SWI5: variants seen among roughly 807,000 people sequenced by gnomAD.
The protein encoded by SWI5 is SWI5 homologous recombination repair protein, also known as DNA repair protein SWI5 homolog.
A neutral mutation model predicts 17.0 loss-of-function variants in SWI5; 12 were observed. That is an observed-to-expected ratio of 0.71 (90% CI 0.45 to 1.14). SWI5 has a LOEUF of 1.14. SWI5 is among the 50% of genes most tolerant of loss of function. SWI5 has a pLI of 0.00. For synonymous variants in SWI5, 61 were observed against 64.0 expected (o/e 0.95, Z 0.22); for missense variants, 158 against 162.2 (o/e 0.97, Z 0.14).
upstream of SWI5, chr9:128,275,769 G>A (rs953862737): frequency 3.5e-5 from 21 of 606,176 alleles, no homozygotes; most frequent in Non-Finnish European, 5.9e-5. Flanking sequence ...GGTGGAGGGA[G>A]CCCGGACGCG....
intron 2 of SWI5, among the ~76,000 whole-genome samples, chr9:128,280,951 C>T (rs960498396): frequency 2.7e-5 from 4 of 149,864 alleles, no homozygotes; most frequent in African/African-American, 2.5e-5. Flanking sequence ...TGGGTATCCA[C>T]GGAGATTGCT....
chr9:128,288,282 A>G (rs1226772213), intron 4 of SWI5, among the ~76,000 whole-genome samples: 1 of 152,216 alleles, frequency 6.6e-6, no homozygotes, highest in African/African-American at 2.4e-5. Flanking sequence ...CAGGCACAGC[A>G]TACAATCAGC....
exon 1 of SWI5, chr9:128,276,295 A>G (rs748029621): frequency 6.2e-7 from 1 of 1,612,768 alleles, no homozygotes; most frequent in Non-Finnish European, 8.5e-7. Flanking sequence ...TCCGGGTCAG[A>G]GTTCCTGGCC....
chr9:128,287,777 G>A (rs755783493), intron 4 of SWI5, among the ~76,000 whole-genome samples: 9 of 151,916 alleles, frequency 5.9e-5, no homozygotes, highest in Non-Finnish European at 1.2e-4. Context: ...GGCCAGGCTG[G>A]TCTTGAACTC....
chr9:128,287,166 C>CG (rs1295081847), intron 4 of SWI5, among the ~76,000 whole-genome samples: 1 of 143,838 alleles, frequency 7.0e-6, no homozygotes. Context: ...AAAAAAAGGC[C>CG]GGGCTCGCTG....
rs369982562 is a variant in SWI5, at chr9:128,282,184, T to G, written c.112-2326T>G. ...TGGGCGGATCACGATGTCAGGAGCT[T>G]GAGACCAGCCTGACCAACATGGTGA... On this transcript the variant is annotated intron_variant, in intron 2 of 4. Transcript: ENST00000418976. Among the ~76,000 whole-genome samples, 96 of 152,234 alleles carry G rather than the reference T, an allele frequency of 6.3e-4. 2 individuals carry two copies. In the South Asian group the frequency reaches 0.019, roughly 31 times the overall value.
In SWI5 at chr9:128,276,602, G is replaced by T. The variant is rs148687834; in HGVS notation, c.63-105G>T. ...CCCTTTCCAGATGGATCCAGTCCCT[G>T]GCGCTCCTACTTCCCAACTGCTCCT... On this transcript the variant is annotated intron_variant, in intron 1 of 4. Coordinates refer to ENST00000418976, the Ensembl canonical transcript of SWI5. 5,446 of 1,609,328 alleles carry T rather than the reference G, an allele frequency of 3.4e-3. 17 individuals carry two copies. Among genetic ancestry groups the T allele is most frequent in the Non-Finnish European group, 4.4e-3 (5,152 of 1,177,066 alleles).
chr9:128,275,813 T>G, upstream of SWI5: 3 of 736,780 alleles, frequency 4.1e-6, no homozygotes, highest in Admixed American at 3.1e-5. Context: ...GCCTCAGGAG[T>G]GGCAGAGACT....
rs2131422681 is a variant in SWI5, at chr9:128,284,646, G to A, written c.233+15G>A. On this transcript the variant is annotated intron_variant, in intron 3 of 4. Transcript: ENST00000418976. ...TTCGTATCTGAGTAAGTTTCATTGG[G>A]TTCCCCATCATGGTTAAGATAACTT... 6.2e-7 allele frequency: 1 copy of A among 1,611,898 alleles called. No homozygotes were observed. The highest frequency in any genetic ancestry group is 2.2e-5 in the East Asian group (1 of 44,728).
At chr9:128,277,182 C>G (rs1831423366) in intron 2 of SWI5, among the ~76,000 whole-genome samples, 1 of 152,172 alleles carries the variant, frequency 6.6e-6, no homozygotes, top group African/African-American at 2.4e-5. Context: ...CGCTGGCAAG[C>G]CACCCCCAAA....
intron 2 of SWI5, 39 bp downstream of exon 2, chr9:128,276,794 G>A (rs768177192): frequency 1.9e-6 from 3 of 1,566,658 alleles, no homozygotes; most frequent in Middle Eastern, 1.7e-4. Flanking sequence ...TCCCATCCTC[G>A]ACCTTCCCTT....
At chr9:128,280,510 TA>T (rs776076324) in intron 2 of SWI5, among the ~76,000 whole-genome samples, 5,447 of 133,442 alleles carry the variant, frequency 0.041, 179 homozygotes, top group African/African-American at 0.099. Flanking sequence ...CTGTTCTTTT[TA>T]AAAAAAAAAA....
rs1831612628 is a variant in SWI5, at chr9:128,285,022, G to T, written c.233+391G>T. Among the ~76,000 whole-genome samples the T allele has an allele frequency of 6.9e-6, 1 of 144,480 alleles. No homozygotes were observed. The highest frequency in any genetic ancestry group is 2.5e-5 in the African/African-American group (1 of 39,260). 94.8% of individuals were successfully genotyped at this position (144,480 alleles called of 152,430 possible). On this transcript the variant is annotated intron_variant, in intron 3 of 4. Coordinates refer to ENST00000418976, the Ensembl canonical transcript of SWI5. The surrounding 1 kb of genome is among the most constrained non-coding windows in gnomAD (Gnocchi z 4.8). The stretch of plus-strand genomic sequence containing the variant: ...TGCCCAGTAACTGAAAAACCCAGTC[G>T]CACTGGCCTAGCATAGAAATACGAC...
At chr9:128,276,030 C>G, upstream of SWI5, 1 of 1,586,322 alleles carries the variant, frequency 6.3e-7, no homozygotes, top group Non-Finnish European at 8.6e-7. Flanking sequence ...CGCAGCTGTG[C>G]GACGGAGCCA....
Position 128,276,258 on chromosome 9 carries a change from C to G in SWI5, c.-83C>G. On this transcript the variant is annotated 5_prime_UTR_variant, in exon 1 of 5. Transcript: ENST00000418976. ...GGGGCCGGCTTTCCTTGGGTGCGCG[C>G]GCAGCTTTCTGTGCGCCAGTTCACA... 6.2e-6 allele frequency: 10 copies of G among 1,612,682 alleles called. No individual in the cohort carries two copies. The highest frequency in any genetic ancestry group is 8.5e-6 in the Non-Finnish European group (10 of 1,179,524).
intron 2 of SWI5, 101 bp downstream of exon 2, chr9:128,276,856 C>A (rs1831406609): frequency 1.6e-6 from 2 of 1,260,788 alleles, no homozygotes; most frequent in Non-Finnish European, 2.2e-6. Flanking sequence ...CCCCGCTTGG[C>A]CCTCTTCCAT....
At chr9:128,276,886 A>G in intron 2 of SWI5, 131 bp downstream of exon 2, 1 of 942,908 alleles carries the variant, frequency 1.1e-6, no homozygotes. Context: ...CAGTCGACTG[A>G]GAACCGCCAG....
At chr9:128,279,887 C>G (rs1443950595) in intron 2 of SWI5, among the ~76,000 whole-genome samples, 1 of 152,162 alleles carries the variant, frequency 6.6e-6, no homozygotes, top group East Asian at 1.9e-4. Context: ...TCAAGCGGCC[C>G]TTATGCAGGT....
At chr9:128,281,860 C>A (rs1275295905) in intron 2 of SWI5, among the ~76,000 whole-genome samples, 1 of 151,796 alleles carries the variant, frequency 6.6e-6, no homozygotes, top group Non-Finnish European at 1.5e-5. Context: ...ATTGCTCCAG[C>A]CCAGGGTTTG....
Sources: allele counts gnomAD v4.1 joint callset (sites outside exome capture counted in the v4.1 genomes callset), GRCh38; gene constraint gnomAD v4.1.1; non-coding constraint Gnocchi (gnomAD v3.1); transcripts MANE v1.5; gene names NCBI Gene and HGNC (gene_info 2026-07-23, HGNC 2026-07-21).